ADORA2B: variants seen among roughly 807,000 people sequenced by gnomAD.
The protein encoded by ADORA2B is adenosine receptor A2b.
Under a neutral mutation model 20.8 loss-of-function variants are expected in ADORA2B, and 18 were observed. That is an observed-to-expected ratio of 0.87 (90% CI 0.60 to 1.29). The LOEUF is 1.29. Among genes scored for constraint, ADORA2B ranks in the 50% most tolerant of loss-of-function variants. The probability of loss-of-function intolerance (pLI) is 0.00; values close to 1 mark genes in which losing one functional copy is unlikely to be tolerated. For missense variants in ADORA2B, 441 were observed against 422.7 expected (o/e 1.04, Z -0.38); for synonymous variants, 179 against 178.3 (o/e 1.00, Z -0.03).
the ADORA2B span, among the ~76,000 whole-genome samples, chr17:15,883,390 A>C: frequency 6.6e-6 from 1 of 152,232 alleles, no homozygotes; most frequent in African/African-American, 2.4e-5. Context: ...ATGTCTCTCC[A>C]CATAGGCCAG....
intron 1 of ADORA2B, among the ~76,000 whole-genome samples, chr17:15,966,958 G>A (rs985212693): frequency 1.3e-5 from 2 of 152,212 alleles, no homozygotes; most frequent in Admixed American, 6.5e-5. Context: ...ACGGAAGGAC[G>A]GAAGGACGTG....
chr17:15,875,593 C>CT, the ADORA2B span, among the ~76,000 whole-genome samples: 14 of 151,926 alleles, frequency 9.2e-5, no homozygotes, highest in Admixed American at 2.6e-4. Flanking sequence ...TTTTCTTTTG[C>CT]TTTTTTTTGA....
At chr17:15,902,298 A>G in the ADORA2B span, among the ~76,000 whole-genome samples, 1 of 150,870 alleles carries the variant, frequency 6.6e-6, no homozygotes, top group Non-Finnish European at 1.5e-5. Context: ...TGCAACCTCC[A>G]CCTTCCAGGT....
the ADORA2B span, among the ~76,000 whole-genome samples, chr17:15,923,506 A>G: frequency 6.6e-6 from 1 of 150,988 alleles, no homozygotes; most frequent in South Asian, 2.1e-4. Context: ...CTGGGTTCAC[A>G]CTATTCTCCT....
At chr17:15,871,823 G>T in the ADORA2B span, among the ~76,000 whole-genome samples, 1 of 152,130 alleles carries the variant, frequency 6.6e-6, no homozygotes, top group Admixed American at 6.5e-5. Context: ...TTTTCCCTTT[G>T]CGTATATGGC....
the ADORA2B span, among the ~76,000 whole-genome samples, chr17:15,888,842 ATATATATATTTTTTTTTTT>A: frequency 1.7e-4 from 3 of 17,146 alleles, no homozygotes; most frequent in African/African-American, 1.4e-3. Flanking sequence ...ATATATATAT[ATATATATATTTTTTTTTTT>A]TTTTTTTTTT....
the ADORA2B span, among the ~76,000 whole-genome samples, chr17:15,872,549 C>T: frequency 6.6e-6 from 1 of 152,200 alleles, no homozygotes; most frequent in East Asian, 1.9e-4. Context: ...GATGTGTTTC[C>T]ATTTGTTTGT....
At chr17:15,904,767 T>C in the ADORA2B span, among the ~76,000 whole-genome samples, 1 of 152,242 alleles carries the variant, frequency 6.6e-6, no homozygotes, top group Non-Finnish European at 1.5e-5. Flanking sequence ...GGGTTTTTTT[T>C]GTTGTTGCAT....
chr17:15,892,814 A>G, the ADORA2B span, among the ~76,000 whole-genome samples: 4 of 152,136 alleles, frequency 2.6e-5, no homozygotes, highest in Non-Finnish European at 5.9e-5. Flanking sequence ...ACAGTACACA[A>G]TTCAGTGTGT....
chr17:15,943,109 C>T (rs1250988702), upstream of ADORA2B, among the ~76,000 whole-genome samples: 3 of 152,112 alleles, frequency 2.0e-5, no homozygotes, highest in East Asian at 1.9e-4. Flanking sequence ...GACCAGGACA[C>T]GGAATGTGTG....
chr17:15,853,423 A>G, the ADORA2B span, among the ~76,000 whole-genome samples: 1 of 152,258 alleles, frequency 6.6e-6, no homozygotes, highest in African/African-American at 2.4e-5. Context: ...AACCTCTGAC[A>G]AGGCTGATAT....
At chr17:15,961,164 CA>C (rs60034008) in intron 1 of ADORA2B, among the ~76,000 whole-genome samples, 133,239 of 144,868 alleles carry the variant, frequency 0.92, 61,596 homozygotes, top group Non-Finnish European at 0.98. Context: ...GAGACTCTGT[CA>C]AAAAAAAAAA....
the ADORA2B span, among the ~76,000 whole-genome samples, chr17:15,881,337 G>A: frequency 4.9e-4 from 75 of 152,302 alleles, no homozygotes; most frequent in Non-Finnish European, 5.3e-4. Flanking sequence ...TCCAGACCTC[G>A]TGATCCATCT....
chr17:15,908,082 A>G, the ADORA2B span, among the ~76,000 whole-genome samples: 2 of 152,114 alleles, frequency 1.3e-5, no homozygotes, highest in Admixed American at 1.3e-4. Context: ...ATTATGGGTG[A>G]CTTTTTTTTT....
the ADORA2B span, among the ~76,000 whole-genome samples, chr17:15,880,978 A>G: frequency 0.086 from 13,038 of 152,244 alleles, 1,579 homozygotes; most frequent in African/African-American, 0.27. Flanking sequence ...AAACACTTCT[A>G]ATTTCACAGG....
At chr17:15,963,805 T>G (rs186309067) in intron 1 of ADORA2B, among the ~76,000 whole-genome samples, 1 of 152,358 alleles carries the variant, frequency 6.6e-6, no homozygotes, top group African/African-American at 2.4e-5. Context: ...CCAACTTTCT[T>G]GACCGCAACC....
upstream of ADORA2B, among the ~76,000 whole-genome samples, chr17:15,942,003 G>GA (rs1334120161): frequency 6.6e-6 from 1 of 152,048 alleles, no homozygotes; most frequent in African/African-American, 2.4e-5. Context: ...CTGGGGTGGG[G>GA]AGAGGACGGA....
chr17:15,953,381 A>G (rs1316097315), intron 1 of ADORA2B, among the ~76,000 whole-genome samples: 1 of 152,260 alleles, frequency 6.6e-6, no homozygotes, highest in Non-Finnish European at 1.5e-5. Context: ...AAAGTACAAA[A>G]AGGCCCAAAA....
the ADORA2B span, among the ~76,000 whole-genome samples, chr17:15,883,981 A>G: frequency 5.9e-5 from 9 of 152,228 alleles, no homozygotes; most frequent in East Asian, 1.7e-3. Flanking sequence ...CCACAATCCC[A>G]TGAGTCAGGC....
Sources: gnomAD v4.1 joint callset for allele counts (sites outside exome capture counted in the v4.1 genomes callset) on GRCh38, gnomAD v4.1.1 for gene constraint, MANE v1.5 for transcripts, NCBI Gene and HGNC (gene_info 2026-07-23, HGNC 2026-07-21) for gene names.